SH3RF1: variants seen among roughly 807,000 people sequenced by gnomAD.
SH3RF1 encodes the protein SH3 domain containing ring finger 1, also known as E3 ubiquitin-protein ligase SH3RF1.
SH3RF1 carries 32 observed loss-of-function variants against 74.0 expected under a neutral mutation model. That is an observed-to-expected ratio of 0.43 (90% confidence interval 0.33 to 0.58). The LOEUF (loss-of-function observed/expected upper bound fraction) is 0.58. Ranked by LOEUF, SH3RF1 falls within the 20% of genes least tolerant of loss-of-function variation. SH3RF1 has a pLI of 0.05. For missense variants in SH3RF1, 954 were observed against 1,130.9 expected, an observed-to-expected ratio of 0.84 and a Z score of 2.24; for synonymous variants, 396 against 439.6, an observed-to-expected ratio of 0.90 and a Z score of 1.24.
In SH3RF1 at chr4:169,096,065, T is replaced by C. The variant is rs1205601889; in HGVS notation, c.*454A>G. 1 of 153,210 alleles carries C rather than the reference T, an allele frequency of 6.5e-6. No homozygotes were observed. Among genetic ancestry groups the C allele is most frequent in the Admixed American group, 6.5e-5 (1 of 15,304 alleles). The allele number at this position is 153,210 out of a possible 1,614,324, so 9.5% of individuals were successfully genotyped here. A position where few individuals can be genotyped will look rare whatever the true frequency, so the allele number is the denominator to read the frequency against. On this transcript the variant is annotated 3_prime_UTR_variant, in exon 12 of 12. Transcript: ENST00000284637. ...AGGAGAGGGGAAAATGCATTCACTC[T>C]ATGTCAAAACGAATCTCTTGCTCTC...
chr4:169,183,707 C>T (rs988579806), intron 2 of SH3RF1, among the ~76,000 whole-genome samples: 2 of 150,002 alleles, frequency 1.3e-5, no homozygotes, highest in Middle Eastern at 3.4e-3. Context: ...ATGGCTGTGC[C>T]ACCGCACTGC....
rs139737191 is a variant in SH3RF1 at position 169,096,302 on chromosome 4, C to G, written c.*217G>C. 7 of 535,288 alleles carry G rather than the reference C, an allele frequency of 1.3e-5. No homozygotes were observed. Among genetic ancestry groups the G allele is most frequent in the African/African-American group, 1.2e-4 (6 of 51,784 alleles). The allele number at this position is 535,288 out of a possible 1,614,324, so 33.2% of individuals were successfully genotyped here. On this transcript the variant is annotated 3_prime_UTR_variant, in exon 12 of 12. Transcript: ENST00000284637. ...GTGTAGTAAATCAGACAGTACAAGG[C>G]ACACCTTATACATCCGAATCCAGAC...
intron 2 of SH3RF1, among the ~76,000 whole-genome samples, chr4:169,167,662 T>C (rs1734269495): frequency 6.6e-6 from 1 of 151,932 alleles, no homozygotes. Context: ...CAAAAACAGG[T>C]GAAACGAATC....
chr4:169,098,996 T>C (rs1377074473), intron 11 of SH3RF1, among the ~76,000 whole-genome samples: 1 of 152,224 alleles, frequency 6.6e-6, no homozygotes, highest in Non-Finnish European at 1.5e-5. Context: ...TGGACATCTC[T>C]AACTAGGAAA....
At chr4:169,162,433 T>G (rs1734164466) in intron 2 of SH3RF1, among the ~76,000 whole-genome samples, 1 of 152,214 alleles carries the variant, frequency 6.6e-6, no homozygotes, top group Non-Finnish European at 1.5e-5. Flanking sequence ...CAGAAGGGAC[T>G]GAGAATCCCA....
intron 2 of SH3RF1, among the ~76,000 whole-genome samples, chr4:169,224,913 C>G (rs1034607558): frequency 5.9e-5 from 9 of 152,152 alleles, no homozygotes; most frequent in African/African-American, 1.7e-4. Context: ...GCCTAGAAAG[C>G]CAGCCTAAGG....
chr4:169,107,949 G>A (rs981099894), intron 10 of SH3RF1, among the ~76,000 whole-genome samples: 6 of 150,812 alleles, frequency 4.0e-5, no homozygotes, highest in Non-Finnish European at 7.4e-5. Flanking sequence ...ACAAATAAGC[G>A]TGTTTTTGTT....
intron 2 of SH3RF1, among the ~76,000 whole-genome samples, chr4:169,255,472 T>A (rs1731171772): frequency 1.3e-5 from 2 of 151,800 alleles, no homozygotes; most frequent in Non-Finnish European, 2.9e-5. Flanking sequence ...TGACCAGTAA[T>A]AACTACTTAA....
In SH3RF1 at chr4:169,096,344, A is replaced by C; in HGVS notation, c.*175T>G. 1.6e-6 allele frequency: 1 copy of C among 632,732 alleles called. No individual in the cohort carries two copies. The highest frequency in any genetic ancestry group is 2.7e-6 in the Non-Finnish European group (1 of 376,054). 39.2% of individuals were successfully genotyped at this position (632,732 alleles called of 1,614,324 possible). Reference sequence around the variant, plus strand: ...AATCCAGACTAACAAAACCCACACAAACATCTTCTTCATTCTGCTCGCTGG... The same window carrying C: ...AATCCAGACTAACAAAACCCACACACACATCTTCTTCATTCTGCTCGCTGG... On this transcript the variant is annotated 3_prime_UTR_variant, in exon 12 of 12. Transcript: ENST00000284637.
chr4:169,193,331 C>T (rs1353448574), intron 2 of SH3RF1, among the ~76,000 whole-genome samples: 2 of 152,100 alleles, frequency 1.3e-5, no homozygotes, highest in Non-Finnish European at 2.9e-5. Context: ...TTTTCTCCTC[C>T]TTCCCCCAGG....
intron 2 of SH3RF1, among the ~76,000 whole-genome samples, chr4:169,237,377 A>G (rs971800081): frequency 2.6e-5 from 4 of 152,226 alleles, no homozygotes; most frequent in African/African-American, 9.6e-5. Context: ...ACGATGGCTC[A>G]TGCCTGTAAT....
At chr4:169,193,134 G>C (rs1448057655) in intron 2 of SH3RF1, among the ~76,000 whole-genome samples, 2 of 151,960 alleles carry the variant, frequency 1.3e-5, no homozygotes, top group Non-Finnish European at 2.9e-5. Context: ...GGACTCAGGG[G>C]GAAAGAGTGG....
intron 2 of SH3RF1, among the ~76,000 whole-genome samples, chr4:169,234,817 G>A (rs1730800954): frequency 6.6e-6 from 1 of 152,072 alleles, no homozygotes; most frequent in Admixed American, 6.5e-5. Flanking sequence ...TGGCACTACT[G>A]ACATTTGGGC....
intron 2 of SH3RF1, among the ~76,000 whole-genome samples, chr4:169,248,613 C>T (rs1731047081): frequency 6.6e-6 from 1 of 152,124 alleles, no homozygotes; most frequent in African/African-American, 2.4e-5. Context: ...ATGTAACAAA[C>T]CTGCACATTC....
chr4:169,191,291 A>G (rs1348064684), intron 2 of SH3RF1, among the ~76,000 whole-genome samples: 1 of 127,572 alleles, frequency 7.8e-6, no homozygotes, highest in African/African-American at 2.7e-5. Flanking sequence ...CCCTTTTACA[A>G]TAGCTGCAAA....
intron 8 of SH3RF1, 97 bp from the exon 9 acceptor site, chr4:169,117,879 T>G: frequency 7.3e-7 from 1 of 1,368,802 alleles, no homozygotes; most frequent in Non-Finnish European, 9.8e-7. Context: ...GCTTTAAACA[T>G]AGAACATTTT....
chr4:169,235,819 T>C (rs1386411416), intron 2 of SH3RF1, among the ~76,000 whole-genome samples: 1 of 152,070 alleles, frequency 6.6e-6, no homozygotes, highest in African/African-American at 2.4e-5. Context: ...TAGCTGGGAT[T>C]ACAGGTGTGC....
At chr4:169,255,595 G>C (rs1488764601) in intron 2 of SH3RF1, among the ~76,000 whole-genome samples, 1 of 91,896 alleles carries the variant, frequency 1.1e-5, no homozygotes, top group Non-Finnish European at 2.5e-5. Flanking sequence ...GCATATGCAT[G>C]GATACATACA....
At chr4:169,148,183 C>T (rs1387700939) in intron 4 of SH3RF1, among the ~76,000 whole-genome samples, 1 of 151,988 alleles carries the variant, frequency 6.6e-6, no homozygotes, top group African/African-American at 2.4e-5. Flanking sequence ...GTGATTCTGC[C>T]CAACCATTAG....
Sources: gnomAD v4.1 joint callset for allele counts (sites outside exome capture counted in the v4.1 genomes callset) on GRCh38, gnomAD v4.1.1 for gene constraint, MANE v1.5 for transcripts, NCBI Gene and HGNC (gene_info 2026-07-23, HGNC 2026-07-21) for gene names.